The following CSGALNACT1 variants were observed in gnomAD, a reference collection of about 807,000 sequenced individuals.
CSGALNACT1 encodes chondroitin sulfate N-acetylgalactosaminyltransferase 1.
CSGALNACT1 carries 52 observed loss-of-function variants against 51.0 expected under a neutral mutation model. The observed-to-expected ratio is 1.02, with a 90% CI of 0.82 to 1.29. The LOEUF (loss-of-function observed/expected upper bound fraction) is 1.29. CSGALNACT1 is among the 50% of genes most tolerant of loss of function. The probability of loss-of-function intolerance (pLI) is 0.00; values close to 1 mark genes in which losing one functional copy is unlikely to be tolerated. For missense variants in CSGALNACT1, 935 were observed against 679.2 expected, an observed-to-expected ratio of 1.38 and a Z score of -4.19; for synonymous variants, 341 against 254.4, an observed-to-expected ratio of 1.34 and a Z score of -3.24.
intron 4 of CSGALNACT1, among the ~76,000 whole-genome samples, chr8:19,460,835 T>C (rs2065203923): frequency 6.6e-6 from 1 of 152,180 alleles, no homozygotes; most frequent in Admixed American, 6.6e-5. Context: ...TTCTGGGAGC[T>C]TTTCATCCTA....
intron 4 of CSGALNACT1, among the ~76,000 whole-genome samples, chr8:19,476,081 A>G (rs140779687): frequency 0.011 from 1,702 of 152,302 alleles, 31 homozygotes; most frequent in African/African-American, 0.039. Context: ...AATGTATCCT[A>G]TGACTGAGGT....
chr8:19,582,815 C>T (rs924721605), intron 3 of CSGALNACT1, among the ~76,000 whole-genome samples: 1 of 152,144 alleles, frequency 6.6e-6, no homozygotes, highest in East Asian at 1.9e-4. Context: ...TATAAGCCAA[C>T]AACAGATTCT....
chr8:19,666,767 GAAAGA>G (rs1564382475), intron 1 of CSGALNACT1, among the ~76,000 whole-genome samples: 226 of 7,926 alleles, frequency 0.029, 3 homozygotes, highest in African/African-American at 0.081. Flanking sequence ...AAAGAAGAAA[GAAAGA>G]AAGAAAGAAA....
chr8:19,627,524 C>G (rs1013711645), intron 1 of CSGALNACT1, among the ~76,000 whole-genome samples: 1 of 151,886 alleles, frequency 6.6e-6, no homozygotes. Flanking sequence ...CACACAAACA[C>G]AAAAAAGCAA....
At chr8:19,408,801 T>A in intron 8 of CSGALNACT1, 107 bp from the exon 8 acceptor site, 1 of 935,900 alleles carries the variant, frequency 1.1e-6, no homozygotes, top group Non-Finnish European at 1.8e-6. Flanking sequence ...ATCCCATCAC[T>A]GATAAACAGC....
At chr8:19,532,384 C>T (rs1177166647) in intron 3 of CSGALNACT1, among the ~76,000 whole-genome samples, 1 of 152,012 alleles carries the variant, frequency 6.6e-6, no homozygotes, top group Non-Finnish European at 1.5e-5. Context: ...GACATATGAG[C>T]CCGGTATTTT....
At position 19,497,615 on chromosome 8, in the gene CSGALNACT1, G is replaced by A. The variant is rs189408514; in HGVS notation, c.634+7586C>T. Among the ~76,000 whole-genome samples, 3 of 152,316 alleles carry A rather than the reference G, an allele frequency of 2.0e-5. No homozygotes were observed. The East Asian group carries it at 5.8e-4, about 29-fold the overall frequency. ...CAATTATATGGGTCACTTCTGCATA[G>A]AGATGGAAGTAAGAATCACATGGAA... On this transcript the variant is annotated intron_variant, in intron 4 of 9. Coordinates refer to ENST00000454498, the Ensembl canonical transcript of CSGALNACT1.
intron 1 of CSGALNACT1, among the ~76,000 whole-genome samples, chr8:19,727,948 C>T (rs2063492223): frequency 6.6e-6 from 1 of 152,166 alleles, no homozygotes; most frequent in South Asian, 2.1e-4. Context: ...TGCTGAGTCT[C>T]TTTAAGAGAC....
At chr8:19,510,463 A>G (rs961560527) in intron 3 of CSGALNACT1, among the ~76,000 whole-genome samples, 4 of 152,160 alleles carry the variant, frequency 2.6e-5, no homozygotes, top group Non-Finnish European at 5.9e-5. Flanking sequence ...ATTCATCCAT[A>G]CAACAAATAG....
intron 3 of CSGALNACT1, among the ~76,000 whole-genome samples, chr8:19,587,450 C>G (rs75083617): frequency 1.1e-4 from 16 of 152,170 alleles, no homozygotes; most frequent in Admixed American, 2.0e-4. Flanking sequence ...CACCCTCCCC[C>G]ACCTAGGATG....
intron 5 of CSGALNACT1, among the ~76,000 whole-genome samples, chr8:19,444,775 CAATT>C (rs1306871183): frequency 1.3e-5 from 2 of 152,032 alleles, no homozygotes; most frequent in Non-Finnish European, 2.9e-5. Context: ...CAAATGAGCT[CAATT>C]AAAACCATCA....
At chr8:19,599,472 A>AAAAGAAAGAAAAAG (rs1319884772) in intron 2 of CSGALNACT1, among the ~76,000 whole-genome samples, 2,509 of 113,720 alleles carry the variant, frequency 0.022, 47 homozygotes, top group African/African-American at 0.048. Context: ...GAAAGAAAGA[A>AAAAGAAAGAAAAAG]AAAGAAAGAA....
chr8:19,475,197 TGGAG>T (rs764297516), intron 4 of CSGALNACT1, among the ~76,000 whole-genome samples: 14 of 152,032 alleles, frequency 9.2e-5, no homozygotes, highest in Non-Finnish European at 1.8e-4. Context: ...TACAAGAGTA[TGGAG>T]GAAGAATATG....
At chr8:19,450,987 C>G (rs2063094336) in intron 5 of CSGALNACT1, among the ~76,000 whole-genome samples, 1 of 152,068 alleles carries the variant, frequency 6.6e-6, no homozygotes, top group South Asian at 2.1e-4. Context: ...GCACCAAGAA[C>G]AGAGCAGTCT....
At position 19,671,551 on chromosome 8, in the gene CSGALNACT1, T is replaced by C. The variant is rs962675666; in HGVS notation, c.-544+10922A>G. On this transcript the variant is annotated intron_variant, in intron 1 of 9. Coordinates refer to the CSGALNACT1 transcript ENST00000332246. ...ATCAGAATCTGCTACACCCCAAATG[T>C]TGTTCTAGGCTTCTGGGACATATAG... 2.6e-5 allele frequency among the ~76,000 whole-genome samples: 4 copies of C among 152,184 alleles called. No individual in the cohort carries two copies. The East Asian group carries it at 5.8e-4, about 22-fold the overall frequency.
chr8:19,439,120 TTACATACTGGTAGAAGA>T (rs1237405149), intron 6 of CSGALNACT1, among the ~76,000 whole-genome samples: 4 of 152,240 alleles, frequency 2.6e-5, no homozygotes, highest in African/African-American at 9.6e-5. Context: ...CCATTCTGGC[TTACATACTGGTAGAAGA>T]TGCCATGGGG....
At chr8:19,618,347 A>AC (rs1564271956) in intron 1 of CSGALNACT1, among the ~76,000 whole-genome samples, 1 of 151,940 alleles carries the variant, frequency 6.6e-6, no homozygotes, top group Non-Finnish European at 1.5e-5. Context: ...ACCTAAGAAA[A>AC]CCTTAGTAAT....
chr8:19,631,836 T>C (rs1226508936), intron 1 of CSGALNACT1, among the ~76,000 whole-genome samples: 1 of 152,228 alleles, frequency 6.6e-6, no homozygotes, highest in African/African-American at 2.4e-5. Context: ...CCTAAATTAC[T>C]TTGTGCTATT....
rs542689983 is a variant in CSGALNACT1 at position 19,567,057 on chromosome 8, G to T, written c.-297+24103C>A. Among the ~76,000 whole-genome samples, 3 of 152,268 alleles carry T rather than the reference G, an allele frequency of 2.0e-5. No individual in the cohort carries two copies. In the East Asian group the frequency reaches 5.8e-4, roughly 29 times the overall value. Reference sequence around the variant, plus strand: ...CGGGTTTCCTCCCCTCCTAATGCGTGAGTTTTCACTGGTCAATGCAAACAC... The same window carrying T: ...CGGGTTTCCTCCCCTCCTAATGCGTTAGTTTTCACTGGTCAATGCAAACAC... On this transcript the variant is annotated intron_variant, in intron 3 of 9. Transcript: ENST00000454498.
Sources: allele counts gnomAD v4.1 joint callset (sites outside exome capture counted in the v4.1 genomes callset), GRCh38; gene constraint gnomAD v4.1.1; transcripts MANE v1.5; gene names NCBI Gene and HGNC (gene_info 2026-07-23, HGNC 2026-07-21).